The following MSRA variants were observed in gnomAD, a reference collection of about 807,000 sequenced individuals.
The protein encoded by MSRA is mitochondrial peptide methionine sulfoxide reductase.
MSRA carries 54 observed loss-of-function variants against 31.3 expected under a neutral mutation model. That is an observed-to-expected ratio of 1.73 (90% confidence interval 1.39 to 2.17). The LOEUF is 2.17. MSRA is among the 30% of genes most tolerant of loss of function. The pLI, the probability that MSRA is intolerant of heterozygous loss-of-function variation, is 0.00. For missense variants in MSRA, 507 were observed against 300.9 expected, an observed-to-expected ratio of 1.69 and a Z score of -5.07; for synonymous variants, 169 against 116.5, an observed-to-expected ratio of 1.45 and a Z score of -2.90.
intron 1 of MSRA, among the ~76,000 whole-genome samples, chr8:10,122,468 C>G (rs1801194577): frequency 6.6e-6 from 1 of 151,180 alleles, no homozygotes; most frequent in East Asian, 1.9e-4. Context: ...GCTCTGTGGT[C>G]TGATTAGGAA....
chr8:10,102,595 G>A (rs1033748066), intron 1 of MSRA, among the ~76,000 whole-genome samples: 5 of 152,150 alleles, frequency 3.3e-5, no homozygotes, highest in African/African-American at 1.2e-4. Flanking sequence ...CTCAATGTTG[G>A]CATCTCTTGA....
chr8:10,262,644 G>T (rs1563283291), intron 3 of MSRA, among the ~76,000 whole-genome samples: 1 of 152,136 alleles, frequency 6.6e-6, no homozygotes, highest in Admixed American at 6.6e-5. Flanking sequence ...TGTCCTCCCA[G>T]TCTGTGGCTT....
At chr8:10,171,065 G>C (rs1805545559) in intron 1 of MSRA, among the ~76,000 whole-genome samples, 1 of 152,192 alleles carries the variant, frequency 6.6e-6, no homozygotes, top group African/African-American at 2.4e-5. Flanking sequence ...GGTCTTTTGA[G>C]AGCACTGTCA....
At chr8:10,102,355 T>C (rs1019699842) in intron 1 of MSRA, among the ~76,000 whole-genome samples, 1 of 152,242 alleles carries the variant, frequency 6.6e-6, no homozygotes, top group Non-Finnish European at 1.5e-5. Flanking sequence ...TCAGATTGCA[T>C]AATTTCTATT....
At chr8:10,159,800 G>A (rs1337950552) in intron 1 of MSRA, among the ~76,000 whole-genome samples, 4 of 152,248 alleles carry the variant, frequency 2.6e-5, no homozygotes, top group Admixed American at 1.3e-4. Context: ...TCATGAAGAG[G>A]TACAGTGATA....
chr8:10,279,542 T>C (rs898956669), intron 3 of MSRA, among the ~76,000 whole-genome samples: 75 of 152,164 alleles, frequency 4.9e-4, no homozygotes, highest in Admixed American at 5.2e-4. Flanking sequence ...ATGACTGGTT[T>C]ACGTCTCTGA....
chr8:10,417,845 A>G (rs1808575730), intron 5 of MSRA, among the ~76,000 whole-genome samples: 1 of 149,628 alleles, frequency 6.7e-6, no homozygotes, highest in Non-Finnish European at 1.5e-5. Flanking sequence ...GTGGATGTGG[A>G]GGGAATTGAA....
rs367744742 is a variant in MSRA, at chr8:10,108,618, C to T, written c.142+53960C>T. 1.6e-4 allele frequency among the ~76,000 whole-genome samples: 25 copies of T among 152,274 alleles called. No homozygotes were observed. In the East Asian group the frequency reaches 4.2e-3, roughly 26 times the overall value. On this transcript the variant is annotated intron_variant, in intron 1 of 5. Transcript: ENST00000317173. The stretch of plus-strand genomic sequence containing the variant: ...CTCTTGATTCATTTTATAAACACCC[C>T]GAGGAAGTTTGCACGTAGAAACTTT...
intron 5 of MSRA, among the ~76,000 whole-genome samples, chr8:10,361,772 C>T (rs756638981): frequency 2.1e-4 from 32 of 152,292 alleles, no homozygotes; most frequent in Non-Finnish European, 3.8e-4. Context: ...AAGAAAATCA[C>T]TTAATAAATA....
intron 5 of MSRA, among the ~76,000 whole-genome samples, chr8:10,396,274 T>A (rs1807093529): frequency 6.6e-6 from 1 of 152,204 alleles, no homozygotes; most frequent in Non-Finnish European, 1.5e-5. Context: ...TGTCTCTTCC[T>A]CTCCAACATC....
intron 3 of MSRA, among the ~76,000 whole-genome samples, chr8:10,245,994 T>C (rs1021727276): frequency 2.0e-5 from 3 of 152,246 alleles, no homozygotes; most frequent in Non-Finnish European, 4.4e-5. Flanking sequence ...CGTGCTATAA[T>C]GCAGGGATCA....
intron 1 of MSRA, among the ~76,000 whole-genome samples, chr8:10,156,451 A>G (rs1345479281): frequency 7.2e-5 from 11 of 152,032 alleles, no homozygotes; most frequent in Non-Finnish European, 1.2e-4. Context: ...ACGTGTGTGT[A>G]TGAGAGAGAG....
At chr8:10,334,053 T>A (rs1203315830) in intron 5 of MSRA, among the ~76,000 whole-genome samples, 1 of 152,120 alleles carries the variant, frequency 6.6e-6, no homozygotes, top group Non-Finnish European at 1.5e-5. Context: ...AGCAGCAGCA[T>A]TAAGTTCCCG....
At chr8:10,139,683 G>C (rs1287160915) in intron 1 of MSRA, among the ~76,000 whole-genome samples, 1 of 152,146 alleles carries the variant, frequency 6.6e-6, no homozygotes, top group Non-Finnish European at 1.5e-5. Context: ...CATATTGCTT[G>C]ATTTCATTCT....
intron 1 of MSRA, among the ~76,000 whole-genome samples, chr8:10,055,786 T>G (rs936494243): frequency 6.6e-6 from 1 of 152,256 alleles, no homozygotes; most frequent in African/African-American, 2.4e-5. Flanking sequence ...GTTTGTCATC[T>G]CGTAGAATAA....
chr8:10,107,959 C>T (rs1204477244), intron 1 of MSRA, among the ~76,000 whole-genome samples: 3 of 152,112 alleles, frequency 2.0e-5, no homozygotes, highest in Non-Finnish European at 4.4e-5. Context: ...TCAGGAAATT[C>T]TTCCTCATAT....
At chr8:10,136,849 A>T (rs1048758778) in intron 1 of MSRA, among the ~76,000 whole-genome samples, 5 of 152,062 alleles carry the variant, frequency 3.3e-5, no homozygotes, top group African/African-American at 1.2e-4. Flanking sequence ...GTCTTTGTAA[A>T]ATTAGAACTT....
chr8:10,116,816 A>G (rs1800721570), intron 1 of MSRA, among the ~76,000 whole-genome samples: 1 of 152,096 alleles, frequency 6.6e-6, no homozygotes, highest in Non-Finnish European at 1.5e-5. Context: ...AAAAATACAA[A>G]AGTAGTCGGG....
At chr8:10,174,227 A>AGG (rs995712973) in intron 1 of MSRA, among the ~76,000 whole-genome samples, 2 of 151,994 alleles carry the variant, frequency 1.3e-5, no homozygotes, top group Non-Finnish European at 2.9e-5. Context: ...GAGGTAGGAG[A>AGG]GGGGAGCCTG....
Sources: gnomAD v4.1 joint callset for allele counts (sites outside exome capture counted in the v4.1 genomes callset) on GRCh38, gnomAD v4.1.1 for gene constraint, MANE v1.5 for transcripts, NCBI Gene and HGNC (gene_info 2026-07-23, HGNC 2026-07-21) for gene names.